PTPRD: variants seen among roughly 807,000 people sequenced by gnomAD.
PTPRD encodes the protein receptor-type tyrosine-protein phosphatase delta.
In PTPRD, 34 loss-of-function variants were observed where a neutral mutation model predicts 214.5. That is an observed-to-expected ratio of 0.16 (90% CI 0.12 to 0.21). The LOEUF is 0.21. PTPRD is among the 10% of genes least tolerant of loss of function. The probability of loss-of-function intolerance (pLI) is 1.00; values close to 1 mark genes in which losing one functional copy is unlikely to be tolerated. For synonymous variants in PTPRD, 1,128 were observed against 845.7 expected, an observed-to-expected ratio of 1.33 and a Z score of -5.79; for missense variants, 2,545 against 2,398.7, an observed-to-expected ratio of 1.06 and a Z score of -1.27.
intron 2 of PTPRD, among the ~76,000 whole-genome samples, chr9:10,352,643 G>C (rs146300708): frequency 7.2e-5 from 11 of 151,938 alleles, no homozygotes; most frequent in African/African-American, 2.2e-4. Flanking sequence ...TGAATGTATT[G>C]CTTGTTCAAG....
intron 3 of PTPRD, among the ~76,000 whole-genome samples, chr9:10,053,840 C>T (rs989157530): frequency 6.6e-6 from 1 of 152,070 alleles, no homozygotes; most frequent in Non-Finnish European, 1.5e-5. Context: ...CTCACTGCAA[C>T]CTCCGCCTCA....
chr9:9,044,763 C>A (rs1255651369), intron 10 of PTPRD, among the ~76,000 whole-genome samples: 1 of 150,932 alleles, frequency 6.6e-6, no homozygotes, highest in Non-Finnish European at 1.5e-5. Context: ...AACTTCTTCC[C>A]TTTTACCTTT....
At chr9:8,623,208 A>C (rs2095875823) in intron 14 of PTPRD, among the ~76,000 whole-genome samples, 1 of 151,912 alleles carries the variant, frequency 6.6e-6, no homozygotes, top group African/African-American at 2.4e-5. Context: ...GCTTACTGCC[A>C]TGTGTACAGT....
chr9:8,527,042 T>C (rs1382746903), intron 16 of PTPRD, among the ~76,000 whole-genome samples: 5 of 151,526 alleles, frequency 3.3e-5, no homozygotes, highest in Middle Eastern at 3.4e-3. Context: ...TAGATATGCA[T>C]ATATATATAT....
At chr9:10,171,938 A>G (rs544684505) in intron 3 of PTPRD, among the ~76,000 whole-genome samples, 3 of 152,328 alleles carry the variant, frequency 2.0e-5, no homozygotes, top group East Asian at 1.9e-4. Context: ...TTATTTAGGT[A>G]TGAAAAGACA....
intron 11 of PTPRD, among the ~76,000 whole-genome samples, chr9:8,829,208 T>G (rs778368034): frequency 6.6e-6 from 1 of 152,204 alleles, no homozygotes; most frequent in Admixed American, 6.5e-5. Context: ...ACCCACATCC[T>G]TATCAAGATA....
intron 14 of PTPRD, among the ~76,000 whole-genome samples, chr9:8,622,151 C>T (rs1167420315): frequency 6.6e-6 from 1 of 151,904 alleles, no homozygotes; most frequent in Non-Finnish European, 1.5e-5. Context: ...ACTCCTCTTA[C>T]TATTAGTTGG....
At chr9:9,369,367 G>A (rs1235643075) in intron 9 of PTPRD, among the ~76,000 whole-genome samples, 3 of 152,104 alleles carry the variant, frequency 2.0e-5, no homozygotes, top group Admixed American at 2.0e-4. Flanking sequence ...CAGAGATGAT[G>A]AGCATTTTTT....
At chr9:9,820,577 G>A (rs1183782028) in intron 5 of PTPRD, among the ~76,000 whole-genome samples, 1 of 152,066 alleles carries the variant, frequency 6.6e-6, no homozygotes, top group Non-Finnish European at 1.5e-5. Flanking sequence ...GTACAGAATG[G>A]CATTTCCTAG....
intron 4 of PTPRD, among the ~76,000 whole-genome samples, chr9:9,954,313 A>AACAAAAC (rs1205259128): frequency 2.7e-4 from 39 of 145,662 alleles, no homozygotes; most frequent in Admixed American, 2.0e-3. Flanking sequence ...AAAAAAAAAA[A>AACAAAAC]AAAAAAAAAA....
intron 2 of PTPRD, among the ~76,000 whole-genome samples, chr9:10,531,719 G>T (rs573113482): frequency 2.6e-5 from 4 of 152,242 alleles, no homozygotes; most frequent in East Asian, 1.9e-4. Context: ...GCTCAACTGG[G>T]TGCAATTTTC....
chr9:10,272,375 CT>C (rs2094468485), intron 3 of PTPRD, among the ~76,000 whole-genome samples: 1 of 152,112 alleles, frequency 6.6e-6, no homozygotes, highest in African/African-American at 2.4e-5. Context: ...GTTATTTCTA[CT>C]TTTTGACTAC....
At chr9:8,620,655 A>G (rs1295352527) in intron 14 of PTPRD, among the ~76,000 whole-genome samples, 1 of 151,980 alleles carries the variant, frequency 6.6e-6, no homozygotes, top group Non-Finnish European at 1.5e-5. Context: ...GTGCAAAACC[A>G]TCCTGTTACA....
intron 11 of PTPRD, among the ~76,000 whole-genome samples, chr9:8,841,633 C>T (rs538270002): frequency 3.3e-5 from 5 of 152,124 alleles, no homozygotes; most frequent in African/African-American, 9.6e-5. Flanking sequence ...CCTTTAAAAA[C>T]CCCTACCTTT....
Position 8,687,404 on chromosome 9 carries a change from T to C in PTPRD, c.64+46376A>G, listed in dbSNP as rs143626572. On this transcript the variant is annotated intron_variant, in intron 12 of 45. Transcript: ENST00000381196. ...TGGCATTTTCAAAGGAAAACCAATATGAATGCCTTTTAAATAAAGTTTGGT... is the reference window on the plus strand; with the variant it reads ...TGGCATTTTCAAAGGAAAACCAATACGAATGCCTTTTAAATAAAGTTTGGT... Among the ~76,000 whole-genome samples, 144 of 152,356 alleles carry C rather than the reference T, an allele frequency of 9.5e-4. 1 individual carries two copies. The highest frequency in any genetic ancestry group is 3.4e-3 in the African/African-American group (143 of 41,594).
intron 8 of PTPRD, among the ~76,000 whole-genome samples, chr9:9,418,038 G>T (rs1309112657): frequency 6.6e-6 from 1 of 152,030 alleles, no homozygotes; most frequent in Non-Finnish European, 1.5e-5. Context: ...TTTTCTCTAT[G>T]AAATGTTCTG....
intron 3 of PTPRD, among the ~76,000 whole-genome samples, chr9:10,294,028 T>C (rs2095604850): frequency 6.6e-6 from 1 of 151,988 alleles, no homozygotes; most frequent in Non-Finnish European, 1.5e-5. Flanking sequence ...GTAATAAACA[T>C]TGAGCATGAC....
intron 10 of PTPRD, among the ~76,000 whole-genome samples, chr9:9,077,927 T>A (rs983773722): frequency 6.6e-6 from 1 of 152,132 alleles, no homozygotes; most frequent in African/African-American, 2.4e-5. Flanking sequence ...ATTGAAGCCA[T>A]TGAGCATTTA....
chr9:9,948,105 T>C (rs915317085), intron 4 of PTPRD, among the ~76,000 whole-genome samples: 2 of 151,988 alleles, frequency 1.3e-5, no homozygotes, highest in African/African-American at 2.4e-5. Flanking sequence ...AAGATTTTTA[T>C]TGTTGATTAT....
Sources: allele counts gnomAD v4.1 joint callset (sites outside exome capture counted in the v4.1 genomes callset), GRCh38; gene constraint gnomAD v4.1.1; transcripts MANE v1.5; gene names NCBI Gene and HGNC (gene_info 2026-07-23, HGNC 2026-07-21).